PHACTR2: variants seen among roughly 807,000 people sequenced by gnomAD.
PHACTR2 encodes the protein phosphatase and actin regulator 2.
PHACTR2 carries 30 observed loss-of-function variants against 76.0 expected under a neutral mutation model. The ratio of observed to expected loss-of-function variants is 0.39; its 90% CI spans 0.30 to 0.54. The LOEUF (loss-of-function observed/expected upper bound fraction) is 0.54, where lower values mean the gene tolerates loss of function less well. PHACTR2 is among the 20% of genes least tolerant of loss of function. The probability of loss-of-function intolerance (pLI) is 0.61; values close to 1 mark genes in which losing one functional copy is unlikely to be tolerated. For missense variants in PHACTR2, 696 were observed against 781.1 expected (o/e 0.89, Z 1.30); for synonymous variants, 292 against 292.5 (o/e 1.00, Z 0.02).
In PHACTR2 at chr6:143,684,222, G is replaced by C. The variant is rs1048435116; in HGVS notation, c.46+6013G>C. On this transcript the variant is annotated intron_variant, in intron 1 of 12. Transcript: ENST00000440869. The surrounding 1 kb of genome is among the most constrained non-coding windows in gnomAD (Gnocchi z 4.3). Reference sequence around the variant, plus strand: ...GCTTGAAAACTTGCTGGGCATCCCAGAGGTAACATGGATCTAATGGAAGGT... The same window carrying C: ...GCTTGAAAACTTGCTGGGCATCCCACAGGTAACATGGATCTAATGGAAGGT... Among the ~76,000 whole-genome samples, 2 of 152,138 alleles carry C rather than the reference G, an allele frequency of 1.3e-5. No homozygotes were observed. The highest frequency in any genetic ancestry group is 2.9e-5 in the Non-Finnish European group (2 of 68,030).
chr6:143,656,720 G>A lies in PHACTR2; in HGVS notation c.13+48398G>A, dbSNP rs547407144. Among the ~76,000 whole-genome samples, 1 of 152,172 alleles carries A rather than the reference G, an allele frequency of 6.6e-6. No individual in the cohort carries two copies. The highest frequency in any genetic ancestry group is 6.5e-5 in the Admixed American group (1 of 15,278). ...TCAAGATTTTTCACCAGCCTCTGGAGTTATCACTGATTAGCAAAGCATTTT... is the reference window on the plus strand; with the variant it reads ...TCAAGATTTTTCACCAGCCTCTGGAATTATCACTGATTAGCAAAGCATTTT... On this transcript the variant is annotated intron_variant, in intron 1 of 11. Transcript: ENST00000305766. This position sits in a 1 kb window ranked among gnomAD's most constrained non-coding sequence, Gnocchi z 5.3.
intron 1 of PHACTR2, among the ~76,000 whole-genome samples, chr6:143,587,045 T>C (rs186951858): frequency 6.6e-6 from 1 of 152,208 alleles, no homozygotes; most frequent in Non-Finnish European, 1.5e-5. Context: ...TAAGATTAGA[T>C]TAACCCTTTT....
At position 143,733,179 on chromosome 6, in the gene PHACTR2, G is replaced by A. The variant is rs1054801886; in HGVS notation, c.215-15806G>A. 1.3e-4 allele frequency among the ~76,000 whole-genome samples: 20 copies of A among 152,094 alleles called. 1 individual carries two copies. The highest frequency in any genetic ancestry group is 1.5e-5 in the Non-Finnish European group (1 of 68,018). On this transcript the variant is annotated intron_variant, in intron 2 of 12. Coordinates refer to ENST00000440869, the MANE Select transcript of PHACTR2 (RefSeq NM_001100164.2). This position sits in a 1 kb window ranked among gnomAD's most constrained non-coding sequence, Gnocchi z 4.0. ...CCCAAAGTGCTGGGATTATAGATGT[G>A]AGCCACCATGCCTAGCCTGATTCCT...
Position 143,722,391 on chromosome 6 carries a change from T to C in PHACTR2, c.214+10208T>C, listed in dbSNP as rs1167573612. Among the ~76,000 whole-genome samples, 1 of 152,198 alleles carries C rather than the reference T, an allele frequency of 6.6e-6. No individual in the cohort carries two copies. Among genetic ancestry groups the C allele is most frequent in the Non-Finnish European group, 1.5e-5 (1 of 68,034 alleles). On this transcript the variant is annotated intron_variant, in intron 2 of 12. Coordinates refer to ENST00000440869, the MANE Select transcript of PHACTR2 (RefSeq NM_001100164.2). This position sits in a 1 kb window ranked among gnomAD's most constrained non-coding sequence, Gnocchi z 4.1. ...TTTATACCATTTTGTGGGTGTTTTCTTCTCTCTTGAATTCAACTTTAAGAT... is the reference window on the plus strand; with the variant it reads ...TTTATACCATTTTGTGGGTGTTTTCCTCTCTCTTGAATTCAACTTTAAGAT...
chr6:143,779,020 G>A (rs1228139353), intron 9 of PHACTR2, among the ~76,000 whole-genome samples: 1 of 152,002 alleles, frequency 6.6e-6, no homozygotes, highest in Non-Finnish European at 1.5e-5. Context: ...TTCCTTCTAA[G>A]TTCACCTAAG....
At chr6:143,563,049 AG>A (rs1463940089) in intron 1 of PHACTR2, among the ~76,000 whole-genome samples, 5 of 152,242 alleles carry the variant, frequency 3.3e-5, no homozygotes, top group Non-Finnish European at 5.9e-5. Flanking sequence ...TTCTGGAAAC[AG>A]TGGTGAATGT....
rs865849337 is a variant in PHACTR2, at chr6:143,608,446, C to T, written c.13+124C>T. ...CACTTAAATGTTCAAGACTGAGACG[C>T]GTGTAATATGTGAACCCCGATGCAT... On this transcript the variant is annotated intron_variant, in intron 1 of 11. Coordinates refer to the PHACTR2 transcript ENST00000305766. The surrounding 1 kb of genome is among the most constrained non-coding windows in gnomAD (Gnocchi z 4.6). 5.4e-6 allele frequency: 5 copies of T among 928,396 alleles called. No homozygotes were observed. In the South Asian group the frequency reaches 5.5e-5, roughly 10 times the overall value. 57.5% of individuals were successfully genotyped at this position (928,396 alleles called of 1,614,324 possible). A position where few individuals can be genotyped will look rare whatever the true frequency, so the allele number is the denominator to read the frequency against.
chr6:143,704,079 G>GTGTGTGAGTGTGTGTC (rs1777980995), intron 1 of PHACTR2, among the ~76,000 whole-genome samples: 1 of 146,216 alleles, frequency 6.8e-6, no homozygotes, highest in Non-Finnish European at 1.5e-5. Context: ...CATCATGGGT[G>GTGTGTGAGTGTGTGTC]TGTGTGTGTG....
At chr6:143,802,185 C>T (rs568308695) in intron 11 of PHACTR2, among the ~76,000 whole-genome samples, 9 of 152,156 alleles carry the variant, frequency 5.9e-5, no homozygotes, top group Non-Finnish European at 8.8e-5. Flanking sequence ...TATTTGGTCT[C>T]AGTTGCTATC....
In PHACTR2 at chr6:143,647,705, C is replaced by T. The variant is rs1336918750; in HGVS notation, c.13+39383C>T. On this transcript the variant is annotated intron_variant, in intron 1 of 11. Coordinates refer to the PHACTR2 transcript ENST00000305766. The surrounding 1 kb of genome is among the most constrained non-coding windows in gnomAD (Gnocchi z 4.2). ...TGGTTGAAGTGAGGGAGGAGGAAAC[C>T]TTGCAGATATCTTGGGAGAAGAGCA... Among the ~76,000 whole-genome samples the T allele has an allele frequency of 6.6e-6, 1 of 152,154 alleles. No individual in the cohort carries two copies. The highest frequency in any genetic ancestry group is 6.6e-5 in the Admixed American group (1 of 15,264).
intron 1 of PHACTR2, among the ~76,000 whole-genome samples, chr6:143,655,321 G>A (rs1776831501): frequency 6.6e-6 from 1 of 152,114 alleles, no homozygotes; most frequent in Admixed American, 6.6e-5. Context: ...GGGAATTGTG[G>A]GGAACAGGAA....
In PHACTR2 at chr6:143,677,982, C is replaced by T; in HGVS notation, c.-182C>T. Reference sequence around the variant, plus strand: ...TGACAGGCATCCGCTGGGCAGGATCCGCCGCGCCGGCTGCGGCCGGCCGGG... The same window carrying T: ...TGACAGGCATCCGCTGGGCAGGATCTGCCGCGCCGGCTGCGGCCGGCCGGG... On this transcript the variant is annotated 5_prime_UTR_variant, in exon 1 of 13. Transcript: ENST00000440869. 1.4e-6 allele frequency: 2 copies of T among 1,429,644 alleles called. No homozygotes were observed. The highest frequency in any genetic ancestry group is 1.4e-5 in the South Asian group (1 of 69,972). 88.6% of individuals were successfully genotyped at this position (1,429,644 alleles called of 1,614,324 possible).
chr6:143,677,063 T>C (rs985192663), upstream of PHACTR2, among the ~76,000 whole-genome samples: 3 of 152,228 alleles, frequency 2.0e-5, no homozygotes, highest in Non-Finnish European at 4.4e-5. Flanking sequence ...CACTTTCTGA[T>C]ATTTTTTACA....
At position 143,688,836 on chromosome 6, in the gene PHACTR2, G is replaced by C. The variant is rs561926932; in HGVS notation, c.46+10627G>C. Among the ~76,000 whole-genome samples, 3 of 152,164 alleles carry C rather than the reference G, an allele frequency of 2.0e-5. No individual in the cohort carries two copies. The South Asian group carries it at 6.2e-4, about 31-fold the overall frequency. On this transcript the variant is annotated intron_variant, in intron 1 of 12. Coordinates refer to ENST00000440869, the MANE Select transcript of PHACTR2 (RefSeq NM_001100164.2). The surrounding 1 kb of genome is among the most constrained non-coding windows in gnomAD (Gnocchi z 5.2). ...TCTGCAATTCATTTTCCACAGAACA[G>C]CTAAAGTAATTTCTTAAAGCATAAA...
chr6:143,798,799 T>G (rs1454542299), intron 11 of PHACTR2, among the ~76,000 whole-genome samples: 1 of 152,258 alleles, frequency 6.6e-6, no homozygotes, highest in Non-Finnish European at 1.5e-5. Context: ...AGTATTTTAC[T>G]GAGGATTTTT....
At chr6:143,810,429 G>C (rs914179719) in intron 12 of PHACTR2, 1 of 239,552 alleles carries the variant, frequency 4.2e-6, no homozygotes, top group Non-Finnish European at 8.7e-6. Flanking sequence ...CAGTTTAAGA[G>C]CATGCCTAGT....
chr6:143,609,497 C>T (rs1248557314), intron 1 of PHACTR2, among the ~76,000 whole-genome samples: 3 of 151,888 alleles, frequency 2.0e-5, no homozygotes, highest in Non-Finnish European at 2.9e-5. Context: ...AAGCTGGATG[C>T]ATGTATATGG....
At chr6:143,771,158 GTATATATATATATATGTATA>G (rs1305029698) in intron 6 of PHACTR2, among the ~76,000 whole-genome samples, 379 of 14,574 alleles carry the variant, frequency 0.026, 17 homozygotes, top group African/African-American at 0.05. Flanking sequence ...ATATATATAT[GTATATATATATATATGTATA>G]TATATATATA....
intron 1 of PHACTR2, among the ~76,000 whole-genome samples, chr6:143,690,407 C>G (rs1270611562): frequency 1.3e-5 from 2 of 151,792 alleles, no homozygotes; most frequent in Non-Finnish European, 2.9e-5. Context: ...ATCCCATGCC[C>G]CCTTTTTTTT....
Sources: gnomAD v4.1 joint callset for allele counts (sites outside exome capture counted in the v4.1 genomes callset) on GRCh38, gnomAD v4.1.1 for gene constraint, Gnocchi (gnomAD v3.1) non-coding constraint, MANE v1.5 for transcripts, NCBI Gene and HGNC (gene_info 2026-07-23, HGNC 2026-07-21) for gene names.